The following KCNIP1 variants were observed in gnomAD, a reference collection of about 807,000 sequenced individuals.
The protein encoded by KCNIP1 is potassium voltage-gated channel interacting protein 1.
A neutral mutation model predicts 33.0 loss-of-function variants in KCNIP1; 18 were observed. That is an observed-to-expected ratio of 0.55 (90% CI 0.38 to 0.81). The LOEUF is 0.81. Ranked by LOEUF, KCNIP1 falls within the 30% of genes least tolerant of loss-of-function variation. The pLI is 0.00. For synonymous variants in KCNIP1, 93 were observed against 98.3 expected (o/e 0.95, Z 0.32); for missense variants, 238 against 271.6 (o/e 0.88, Z 0.87).
At chr5:170,609,226 A>C (rs892445267) in intron 1 of KCNIP1, among the ~76,000 whole-genome samples, 1 of 152,198 alleles carries the variant, frequency 6.6e-6, no homozygotes, top group South Asian at 2.1e-4. Flanking sequence ...GGGGAGGTCA[A>C]CAGAGAGCAA....
chr5:170,708,163 C>T (rs1763322454), intron 1 of KCNIP1, among the ~76,000 whole-genome samples: 1 of 152,120 alleles, frequency 6.6e-6, no homozygotes. Context: ...CGTCCCATCC[C>T]CTCTCTGCTC....
chr5:170,715,701 A>C (rs531608532), intron 1 of KCNIP1, among the ~76,000 whole-genome samples: 1 of 152,242 alleles, frequency 6.6e-6, no homozygotes, highest in Admixed American at 6.5e-5. Flanking sequence ...AGTACTTTAC[A>C]AACAAAAGGT....
At chr5:170,436,482 T>C (rs1755866378) in intron 1 of KCNIP1, among the ~76,000 whole-genome samples, 1 of 152,216 alleles carries the variant, frequency 6.6e-6, no homozygotes, top group African/African-American at 2.4e-5. Flanking sequence ...TCAGTGGTTC[T>C]CAGTCTTGGG....
intron 1 of KCNIP1, among the ~76,000 whole-genome samples, chr5:170,451,558 T>C (rs1481787437): frequency 6.8e-6 from 1 of 147,180 alleles, no homozygotes; most frequent in Non-Finnish European, 1.5e-5. Flanking sequence ...ACACCACCCA[T>C]TTCCCAGAAA....
At chr5:170,653,458 C>T (rs1305375832) in intron 1 of KCNIP1, among the ~76,000 whole-genome samples, 1 of 152,150 alleles carries the variant, frequency 6.6e-6, no homozygotes, top group African/African-American at 2.4e-5. Flanking sequence ...GGGGTTGAAA[C>T]TTGGTTTTGG....
At chr5:170,402,564 G>T (rs1187574195) in intron 1 of KCNIP1, among the ~76,000 whole-genome samples, 1 of 152,206 alleles carries the variant, frequency 6.6e-6, no homozygotes, top group African/African-American at 2.4e-5. Flanking sequence ...CAGGTAGACT[G>T]GGAGCAGGAG....
intron 1 of KCNIP1, among the ~76,000 whole-genome samples, chr5:170,530,378 A>G (rs900208390): frequency 6.6e-6 from 1 of 152,224 alleles, no homozygotes; most frequent in Non-Finnish European, 1.5e-5. Flanking sequence ...TAATACTATG[A>G]TGCTGATATT....
chr5:170,686,866 C>A (rs2113806762), intron 1 of KCNIP1, among the ~76,000 whole-genome samples: 1 of 152,284 alleles, frequency 6.6e-6, no homozygotes, highest in Non-Finnish European at 1.5e-5. Flanking sequence ...AAGGCAATAT[C>A]CAAGGATTAA....
intron 1 of KCNIP1, among the ~76,000 whole-genome samples, chr5:170,666,389 T>A (rs1464405247): frequency 6.6e-6 from 1 of 152,182 alleles, no homozygotes; most frequent in Non-Finnish European, 1.5e-5. Context: ...AGGCTTGCTT[T>A]GAGCATCTCC....
chr5:170,658,902 T>C (rs1001440656), intron 1 of KCNIP1, among the ~76,000 whole-genome samples: 9 of 152,130 alleles, frequency 5.9e-5, no homozygotes, highest in Non-Finnish European at 1.5e-5. Context: ...GTTGGGGGTT[T>C]GGGAGCCTAG....
chr5:170,633,721 C>CG (rs1760161452), intron 1 of KCNIP1, among the ~76,000 whole-genome samples: 1 of 6,514 alleles, frequency 1.5e-4, no homozygotes, highest in African/African-American at 8.2e-4. Context: ...GGCGGGGGGG[C>CG]GGAGGGGGGG....
intron 1 of KCNIP1, among the ~76,000 whole-genome samples, chr5:170,703,092 G>A (rs1481274248): frequency 2.9e-5 from 4 of 137,532 alleles, no homozygotes; most frequent in African/African-American, 8.0e-5. Context: ...TTAGCAGCAC[G>A]GTACATTTAA....
rs542206146 is a variant in KCNIP1 at position 170,426,603 on chromosome 5, C to T, written c.88+72639C>T. ...TATCAGCCGCATCTAGCACTAGGGG[C>T]GCTGTGAGCATGGAGGGCAGTCTGC... On this transcript the variant is annotated intron_variant, in intron 1 of 7. Coordinates refer to the KCNIP1 transcript ENST00000377360. 6.6e-5 allele frequency among the ~76,000 whole-genome samples: 10 copies of T among 152,338 alleles called. No homozygotes were observed. The South Asian group carries it at 1.9e-3, about 28-fold the overall frequency.
At chr5:170,516,170 C>T (rs1255863730) in intron 1 of KCNIP1, among the ~76,000 whole-genome samples, 1 of 152,118 alleles carries the variant, frequency 6.6e-6, no homozygotes, top group African/African-American at 2.4e-5. Flanking sequence ...GAGGAAAGCA[C>T]CAAGCAAGTA....
chr5:170,354,046 C>T (rs943126625), intron 1 of KCNIP1: 1 of 1,246,892 alleles, frequency 8.0e-7, no homozygotes, highest in Non-Finnish European at 1.2e-6. Context: ...TGAGCGTGAC[C>T]ATTCTGGTGC....
chr5:170,478,745 G>T (rs937404594), intron 1 of KCNIP1, among the ~76,000 whole-genome samples: 1 of 152,120 alleles, frequency 6.6e-6, no homozygotes, highest in Non-Finnish European at 1.5e-5. Flanking sequence ...AAAAAGAAAA[G>T]GTTTCTCATG....
upstream of KCNIP1, among the ~76,000 whole-genome samples, chr5:170,503,112 G>A (rs1222428516): frequency 3.9e-5 from 6 of 152,242 alleles, no homozygotes; most frequent in East Asian, 1.9e-4. Context: ...AGAGCAGGCC[G>A]GGTGGGGTGG....
chr5:170,520,933 A>G (rs1359050332), intron 1 of KCNIP1, among the ~76,000 whole-genome samples: 1 of 152,196 alleles, frequency 6.6e-6, no homozygotes, highest in African/African-American at 2.4e-5. Context: ...TGAGCCTCAG[A>G]TCCTTCGTCT....
At chr5:170,354,483 G>C (rs1487023205) in intron 1 of KCNIP1, among the ~76,000 whole-genome samples, 1 of 152,190 alleles carries the variant, frequency 6.6e-6, no homozygotes, top group Non-Finnish European at 1.5e-5. Context: ...CTCTCATAGG[G>C]TTCCAGCGTC....
Sources: gnomAD v4.1 joint callset for allele counts (sites outside exome capture counted in the v4.1 genomes callset) on GRCh38, gnomAD v4.1.1 for gene constraint, MANE v1.5 for transcripts, NCBI Gene and HGNC (gene_info 2026-07-23, HGNC 2026-07-21) for gene names.